The following RAD51B variants were observed in gnomAD, a reference collection of about 807,000 sequenced individuals.
The protein encoded by RAD51B is RAD51 paralog B.
RAD51B carries 38 observed loss-of-function variants against 42.2 expected under a neutral mutation model. The observed-to-expected ratio is 0.90, with a 90% CI of 0.70 to 1.18. The LOEUF (loss-of-function observed/expected upper bound fraction) is 1.18. Among genes scored for constraint, RAD51B ranks in the 50% most tolerant of loss-of-function variants. The pLI is 0.00. For missense variants in RAD51B, 373 were observed against 400.7 expected, an observed-to-expected ratio of 0.93 and a Z score of 0.59; for synonymous variants, 154 against 145.2, an observed-to-expected ratio of 1.06 and a Z score of -0.43.
chr14:68,552,837 C>T (rs1888647269), intron 10 of RAD51B, among the ~76,000 whole-genome samples: 1 of 152,184 alleles, frequency 6.6e-6, no homozygotes, highest in Admixed American at 6.5e-5. Context: ...GGCACCACCC[C>T]AGGAAATGCT....
At chr14:68,487,259 T>C (rs965114099) in intron 10 of RAD51B, among the ~76,000 whole-genome samples, 16 of 152,196 alleles carry the variant, frequency 1.1e-4, no homozygotes, top group African/African-American at 3.9e-4. Flanking sequence ...GGACGTCATC[T>C]CTCTGTGTCC....
At chr14:68,228,570 A>G (rs763814713) in intron 7 of RAD51B, among the ~76,000 whole-genome samples, 1 of 152,170 alleles carries the variant, frequency 6.6e-6, no homozygotes, top group South Asian at 2.1e-4. Context: ...ACTTAGTTCT[A>G]TTCATCATTT....
At chr14:68,537,232 C>G (rs1887679666) in intron 10 of RAD51B, among the ~76,000 whole-genome samples, 1 of 152,046 alleles carries the variant, frequency 6.6e-6, no homozygotes, top group Admixed American at 6.5e-5. Context: ...GTCGCAGTGG[C>G]TCACGCCTGT....
intron 8 of RAD51B, among the ~76,000 whole-genome samples, chr14:68,335,314 GA>G (rs1362053743): frequency 5.8e-4 from 18 of 31,038 alleles, no homozygotes; most frequent in East Asian, 2.1e-3. Flanking sequence ...AAAAAAAAAA[GA>G]AAAGAAAAAA....
At chr14:68,509,481 C>A (rs1359011814) in intron 10 of RAD51B, among the ~76,000 whole-genome samples, 1 of 152,224 alleles carries the variant, frequency 6.6e-6, no homozygotes, top group African/African-American at 2.4e-5. Context: ...GTACTTGGAA[C>A]CTTCACTGAG....
chr14:68,092,519 A>C (rs980747762), intron 7 of RAD51B, among the ~76,000 whole-genome samples: 1 of 152,114 alleles, frequency 6.6e-6, no homozygotes, highest in Non-Finnish European at 1.5e-5. Flanking sequence ...TTGGTGTATA[A>C]GAATGCTTGT....
At position 67,865,097 on chromosome 14, in the gene RAD51B, CTGTGG is replaced by C. The variant is rs1289815344; in HGVS notation, c.414_418del (p.Val139HisfsTer2). ...ACCAACATGGGAGGATTAGAAGGAG[CTGTGG>C]TGTACATTGACACAGAGTCTGCATT... On this transcript the variant is annotated frameshift_variant, in exon 5 of 11. Transcript: ENST00000471583. LOFTEE classifies it high-confidence loss of function. 6.3e-7 allele frequency: 1 copy of C among 1,592,146 alleles called. No homozygotes were observed. The highest frequency in any genetic ancestry group is 8.6e-7 in the Non-Finnish European group (1 of 1,169,198).
intron 8 of RAD51B, among the ~76,000 whole-genome samples, chr14:68,386,105 G>A (rs2083588674): frequency 6.6e-6 from 1 of 152,076 alleles, no homozygotes; most frequent in Non-Finnish European, 1.5e-5. Context: ...CAACATTTAG[G>A]GCAGTATCCT....
chr14:68,559,671 G>A (rs114015257), intron 10 of RAD51B, among the ~76,000 whole-genome samples: 6,501 of 152,128 alleles, frequency 0.043, 163 homozygotes, highest in African/African-American at 0.067. Context: ...GGGTCACTGC[G>A]CCCCCAGGAG....
chr14:67,941,772 G>A (rs1189498077), intron 7 of RAD51B, among the ~76,000 whole-genome samples: 1 of 152,220 alleles, frequency 6.6e-6, no homozygotes, highest in African/African-American at 2.4e-5. Flanking sequence ...AAGTGGGAAA[G>A]GATGTACAGA....
At chr14:68,372,251 G>A (rs990135953) in intron 8 of RAD51B, among the ~76,000 whole-genome samples, 7 of 152,110 alleles carry the variant, frequency 4.6e-5, no homozygotes, top group Non-Finnish European at 7.4e-5. Flanking sequence ...AGCCTGCCTG[G>A]GGTAGGTTAA....
At chr14:68,314,027 A>G (rs2082010793) in intron 8 of RAD51B, among the ~76,000 whole-genome samples, 1 of 152,126 alleles carries the variant, frequency 6.6e-6, no homozygotes, top group Non-Finnish European at 1.5e-5. Context: ...CAGTTCATCT[A>G]GCTTCCTATT....
At chr14:68,577,908 G>T (rs1890035046) in intron 10 of RAD51B, among the ~76,000 whole-genome samples, 1 of 152,214 alleles carries the variant, frequency 6.6e-6, no homozygotes, top group Non-Finnish European at 1.5e-5. Context: ...TCAAATCAGG[G>T]AGAATGGTGG....
intron 7 of RAD51B, among the ~76,000 whole-genome samples, chr14:68,059,185 A>G (rs1376557158): frequency 1.3e-5 from 2 of 151,936 alleles, no homozygotes; most frequent in African/African-American, 4.8e-5. Context: ...TTCCATTTCC[A>G]CTGCCACTGC....
chr14:68,350,283 A>G (rs532245746), intron 8 of RAD51B, among the ~76,000 whole-genome samples: 1 of 152,360 alleles, frequency 6.6e-6, no homozygotes, highest in South Asian at 2.1e-4. Context: ...AACAAATTGC[A>G]TTCTGATGTT....
At chr14:68,086,248 TC>T (rs1205367182) in intron 7 of RAD51B, among the ~76,000 whole-genome samples, 2 of 152,112 alleles carry the variant, frequency 1.3e-5, no homozygotes, top group African/African-American at 4.8e-5. Flanking sequence ...CCAGCCAAAC[TC>T]CGCGTTGTTG....
chr14:68,208,883 C>T (rs190389764), intron 7 of RAD51B, among the ~76,000 whole-genome samples: 213 of 152,328 alleles, frequency 1.4e-3, no homozygotes, highest in African/African-American at 4.9e-3. Context: ...GCACTGTGCT[C>T]AGCAGCAGTT....
At chr14:68,393,475 A>G (rs1049803941) in intron 8 of RAD51B, among the ~76,000 whole-genome samples, 5 of 152,172 alleles carry the variant, frequency 3.3e-5, no homozygotes, top group Admixed American at 2.6e-4. Flanking sequence ...CCCTGGGGTA[A>G]TTTCGCTTAG....
intron 11 of RAD51B, among the ~76,000 whole-genome samples, chr14:68,665,396 G>A (rs866113777): frequency 6.6e-6 from 1 of 152,242 alleles, no homozygotes; most frequent in African/African-American, 2.4e-5. Flanking sequence ...TTTAGGCCAG[G>A]GTTTCCAAAA....
Sources: gnomAD v4.1 joint callset for allele counts (sites outside exome capture counted in the v4.1 genomes callset) on GRCh38, gnomAD v4.1.1 for gene constraint, MANE v1.5 for transcripts, NCBI Gene and HGNC (gene_info 2026-07-23, HGNC 2026-07-21) for gene names.